The following SAMD13 variants were observed in gnomAD, a reference collection of about 807,000 sequenced individuals.
The protein encoded by SAMD13 is sterile alpha motif domain-containing protein 13.
A neutral mutation model predicts 12.4 loss-of-function variants in SAMD13; 9 were observed. That is an observed-to-expected ratio of 0.72 (90% confidence interval 0.44 to 1.26). SAMD13 has a LOEUF of 1.26. Ranked by LOEUF, SAMD13 falls within the 50% of genes most tolerant of loss-of-function variation. The pLI is 0.00. For synonymous variants in SAMD13, 46 were observed against 45.4 expected, an observed-to-expected ratio of 1.01 and a Z score of -0.05; for missense variants, 84 against 119.6, an observed-to-expected ratio of 0.70 and a Z score of 1.39.
intron 3 of SAMD13, among the ~76,000 whole-genome samples, chr1:84,339,542 C>T (rs372556625): frequency 6.6e-6 from 1 of 152,130 alleles, no homozygotes; most frequent in Non-Finnish European, 1.5e-5. Context: ...TTGTGGTTAG[C>T]AACCTGCTTT....
At chr1:84,329,376 CA>C (rs1367836095) in intron 3 of SAMD13, among the ~76,000 whole-genome samples, 1 of 152,196 alleles carries the variant, frequency 6.6e-6, no homozygotes, top group Non-Finnish European at 1.5e-5. Context: ...TGATGGCAAA[CA>C]TGTCCACCAT....
chr1:84,325,223 G>C (rs190593772), intron 2 of SAMD13, among the ~76,000 whole-genome samples: 11 of 152,230 alleles, frequency 7.2e-5, no homozygotes, highest in Admixed American at 5.9e-4. Flanking sequence ...TAAGTGGCTG[G>C]GACAGAATGT....
intron 2 of SAMD13, chr1:84,304,415 T>C (rs1047821866): frequency 3.3e-5 from 5 of 152,174 alleles, no homozygotes; most frequent in African/African-American, 9.6e-5. Context: ...ACTAGCCACA[T>C]GTGGCTACGA....
chr1:84,311,803 A>G (rs1028250033), intron 2 of SAMD13, among the ~76,000 whole-genome samples: 13 of 152,346 alleles, frequency 8.5e-5, no homozygotes, highest in African/African-American at 3.1e-4. Context: ...TCTTTGACAG[A>G]GATAAAAGAT....
At chr1:84,305,821 TCTG>T (rs1312563486) in intron 2 of SAMD13, among the ~76,000 whole-genome samples, 3 of 152,224 alleles carry the variant, frequency 2.0e-5, no homozygotes, top group African/African-American at 7.2e-5. Context: ...CAGGCTTATT[TCTG>T]GGCTCTCTAT....
chr1:84,339,506 G>A (rs546358190), intron 3 of SAMD13, among the ~76,000 whole-genome samples: 10 of 152,224 alleles, frequency 6.6e-5, no homozygotes, highest in South Asian at 6.2e-4. Flanking sequence ...GGTTGGTACC[G>A]GGCCACAGCT....
chr1:84,298,822 G>C (rs1402926027), upstream of SAMD13, among the ~76,000 whole-genome samples: 1 of 152,102 alleles, frequency 6.6e-6, no homozygotes, highest in Non-Finnish European at 1.5e-5. Flanking sequence ...GCAGTGCTCG[G>C]GGAGCGGGAC....
intron 2 of SAMD13, among the ~76,000 whole-genome samples, chr1:84,310,800 G>A (rs536761591): frequency 3.3e-5 from 5 of 152,154 alleles, no homozygotes; most frequent in East Asian, 1.9e-4. Context: ...AAATTGATAA[G>A]CAACAATAAG....
chr1:84,316,184 T>C (rs969177525), intron 2 of SAMD13, among the ~76,000 whole-genome samples: 2 of 152,174 alleles, frequency 1.3e-5, no homozygotes, highest in East Asian at 3.8e-4. Flanking sequence ...TTTTACTCTA[T>C]TGAATATTTC....
intron 2 of SAMD13, among the ~76,000 whole-genome samples, chr1:84,306,546 C>G (rs866693237): frequency 6.6e-6 from 1 of 150,518 alleles, no homozygotes; most frequent in African/African-American, 2.4e-5. Flanking sequence ...CACCTGTAAT[C>G]CCAGTACTTT....
At chr1:84,342,178 A>G (rs1004566778) in intron 3 of SAMD13, among the ~76,000 whole-genome samples, 10 of 152,154 alleles carry the variant, frequency 6.6e-5, no homozygotes, top group African/African-American at 2.4e-4. Context: ...CTAAGTTTCA[A>G]AGAAGCCTGG....
chr1:84,328,067 C>T (rs529745412), intron 3 of SAMD13, among the ~76,000 whole-genome samples: 83 of 152,258 alleles, frequency 5.5e-4, no homozygotes, highest in African/African-American at 1.9e-3. Flanking sequence ...TGGCCAGATT[C>T]CCAGCTGACC....
intron 2 of SAMD13, among the ~76,000 whole-genome samples, chr1:84,311,613 G>C (rs961157212): frequency 2.6e-5 from 4 of 152,152 alleles, no homozygotes; most frequent in African/African-American, 7.2e-5. Flanking sequence ...TCAAGAGTCT[G>C]CTTCAGAAAA....
intron 2 of SAMD13, among the ~76,000 whole-genome samples, chr1:84,320,911 G>C (rs1678929433): frequency 6.6e-6 from 1 of 152,102 alleles, no homozygotes; most frequent in Non-Finnish European, 1.5e-5. Flanking sequence ...GTATCCTTTT[G>C]GCCTGAACAA....
upstream of SAMD13, chr1:84,301,534 A>C (rs1319527808): frequency 1.2e-6 from 1 of 833,686 alleles, no homozygotes; most frequent in Non-Finnish European, 1.4e-6. Context: ...CATTTCTTGC[A>C]CTAATTGTGC....
chr1:84,315,489 C>T (rs368221770), intron 2 of SAMD13, among the ~76,000 whole-genome samples: 2 of 152,052 alleles, frequency 1.3e-5, no homozygotes, highest in African/African-American at 4.8e-5. Flanking sequence ...GGTGGGTCTC[C>T]CTATGTTGCC....
At chr1:84,309,722 AAC>A (rs1384990258) in intron 2 of SAMD13, among the ~76,000 whole-genome samples, 1 of 152,190 alleles carries the variant, frequency 6.6e-6, no homozygotes, top group African/African-American at 2.4e-5. Flanking sequence ...GAAAAGCACA[AAC>A]AGAAAAATAC....
intron 3 of SAMD13, among the ~76,000 whole-genome samples, chr1:84,330,386 C>T (rs1272647543): frequency 6.6e-6 from 1 of 152,150 alleles, no homozygotes; most frequent in East Asian, 1.9e-4. Flanking sequence ...GGCACTTGTC[C>T]ATGGGTATGG....
chr1:84,303,245 T>C lies in SAMD13; in HGVS notation c.11T>C (p.Val4Ala), dbSNP rs760479634. Reference protein sequence around the residue: MLSVDMENKENGSV... With the variant: MLSADMENKENGSV... ...CCCTGCAGCCTTCCCATGCTATCTGTTGACATGGAAAACAAGGAAAATGGC... is the reference window on the plus strand; with the variant it reads ...CCCTGCAGCCTTCCCATGCTATCTGCTGACATGGAAAACAAGGAAAATGGC... The change falls in exon 2 of 4, where the codon GTT becomes GCT. Residue 4 changes from valine to alanine, a missense_variant. Coordinates refer to ENST00000394834, the MANE Select transcript of SAMD13 (RefSeq NM_001134663.2). 1 of 1,613,238 alleles carries C rather than the reference T, an allele frequency of 6.2e-7. No homozygotes were observed. Among genetic ancestry groups the C allele is most frequent in the South Asian group, 1.1e-5 (1 of 91,068 alleles).
Sources: allele counts gnomAD v4.1 joint callset (sites outside exome capture counted in the v4.1 genomes callset), GRCh38; gene constraint gnomAD v4.1.1; transcripts MANE v1.5; gene names NCBI Gene and HGNC (gene_info 2026-07-23, HGNC 2026-07-21).